The following ADAMTSL1 variants were observed in gnomAD, a reference collection of about 807,000 sequenced individuals.
ADAMTSL1 encodes the protein ADAMTS-like protein 1.
In ADAMTSL1, 126 loss-of-function variants were observed where a neutral mutation model predicts 201.8. The ratio of observed to expected loss-of-function variants is 0.62; its 90% confidence interval spans 0.54 to 0.72. The LOEUF (loss-of-function observed/expected upper bound fraction) is 0.72. ADAMTSL1 is among the 30% of genes least tolerant of loss of function. ADAMTSL1 has a pLI of 0.00. For synonymous variants in ADAMTSL1, 1,121 were observed against 903.4 expected (o/e 1.24, Z -4.32); for missense variants, 2,679 against 2,277.8 (o/e 1.18, Z -3.59).
chr9:18,090,291 T>G (rs977979836), intron 1 of ADAMTSL1, among the ~76,000 whole-genome samples: 3 of 152,108 alleles, frequency 2.0e-5, no homozygotes, highest in Admixed American at 6.5e-5. Flanking sequence ...AAATAGATAT[T>G]TATAAATGAA....
chr9:18,289,129 ATGTC>A (rs1249945166), intron 2 of ADAMTSL1, among the ~76,000 whole-genome samples: 3 of 120,026 alleles, frequency 2.5e-5, no homozygotes, highest in South Asian at 3.3e-4. Context: ...GTGTATATAT[ATGTC>A]TGTCTATCTA....
rs143645747 is a variant in ADAMTSL1, at chr9:18,890,447, C to A, written c.4643+699C>A. ...GATGGGCTTGGAGTTGGCACTGGTG[C>A]AGTGCTGAGAGCCTGGGGGGATGTG... On this transcript the variant is annotated intron_variant, in intron 25 of 28. Transcript: ENST00000380548. 2,384 of 452,692 alleles carry A rather than the reference C, an allele frequency of 5.3e-3. 33 individuals are homozygous for A. The highest frequency in any genetic ancestry group is 0.017 in the South Asian group (1,078 of 63,842). 28.0% of individuals were successfully genotyped at this position (452,692 alleles called of 1,614,324 possible). A position where few individuals can be genotyped will look rare whatever the true frequency, so the allele number is the denominator to read the frequency against.
At chr9:18,497,109 A>G (rs999783156) in intron 1 of ADAMTSL1, among the ~76,000 whole-genome samples, 4 of 152,352 alleles carry the variant, frequency 2.6e-5, no homozygotes, top group African/African-American at 9.6e-5. Flanking sequence ...AGGAAAAAGA[A>G]GAAAACAAAA....
chr9:18,661,964 G>T lies in ADAMTSL1; in HGVS notation c.976G>T (p.Asp326Tyr), dbSNP rs756246381. ...GYQLTSAECY[D>Y]LRSNRVVADQ... ...TCAGCTGACATCGGCTGAGTGCTAC[G>T]ATCTGAGGAGCAACCGTGTGGTTGC... The change falls in exon 9 of 29, where the codon GAT (aspartate) becomes TAT (tyrosine). Residue 326 changes from aspartate (D) to tyrosine (Y), a missense_variant. Coordinates refer to ENST00000380548, the MANE Select transcript of ADAMTSL1 (RefSeq NM_001040272.6). 3.7e-6 allele frequency: 6 copies of T among 1,613,776 alleles called. No homozygotes were observed. Among genetic ancestry groups the T allele is most frequent in the South Asian group, 1.1e-5 (1 of 91,044 alleles).
At chr9:18,004,931 G>A (rs200872631) in intron 1 of ADAMTSL1, among the ~76,000 whole-genome samples, 2 of 152,118 alleles carry the variant, frequency 1.3e-5, no homozygotes, top group South Asian at 2.1e-4. Flanking sequence ...CATTTACTTG[G>A]CAAATATTTT....
chr9:18,598,556 C>A (rs887279538), intron 4 of ADAMTSL1, among the ~76,000 whole-genome samples: 2 of 152,142 alleles, frequency 1.3e-5, no homozygotes, highest in Non-Finnish European at 2.9e-5. Flanking sequence ...AAATTTCCCT[C>A]CCTTGTGGCC....
At chr9:18,849,300 A>G (rs1826333108) in intron 23 of ADAMTSL1, among the ~76,000 whole-genome samples, 1 of 151,600 alleles carries the variant, frequency 6.6e-6, no homozygotes, top group Non-Finnish European at 1.5e-5. Context: ...ACATACCTCC[A>G]CCCTTCACCC....
chr9:18,146,597 G>T (rs1021180818), intron 1 of ADAMTSL1, among the ~76,000 whole-genome samples: 1 of 152,146 alleles, frequency 6.6e-6, no homozygotes, highest in Non-Finnish European at 1.5e-5. Flanking sequence ...GGACTTTTTA[G>T]AGTGGTGAAA....
At chr9:18,620,015 A>ATTATTTTTTT (rs1564094080) in intron 4 of ADAMTSL1, among the ~76,000 whole-genome samples, 1 of 101,254 alleles carries the variant, frequency 9.9e-6, no homozygotes. Context: ...CAGTTTTCTG[A>ATTATTTTTTT]TTTTTTTTTT....
At chr9:18,778,540 A>G (rs1240348504) in intron 19 of ADAMTSL1, among the ~76,000 whole-genome samples, 4 of 152,216 alleles carry the variant, frequency 2.6e-5, no homozygotes, top group African/African-American at 9.6e-5. Context: ...AGCCATTCAT[A>G]ATGTAGAATC....
intron 3 of ADAMTSL1, among the ~76,000 whole-genome samples, chr9:18,545,791 A>G (rs1350435910): frequency 6.6e-6 from 1 of 152,240 alleles, no homozygotes; most frequent in Non-Finnish European, 1.5e-5. Context: ...GAAAGAAATT[A>G]CTACTGCAGT....
rs182410144 is a variant in ADAMTSL1 at position 18,706,603 on chromosome 9, A to G, written c.1575-144A>G. On this transcript the variant is annotated intron_variant, in intron 13 of 28. Transcript: ENST00000380548. ...CGCTTATGAACTAAACTGAAGCGCC[A>G]TCACAGGACAGGGTGGAGGAGCCCT... 3.8e-6 allele frequency: 3 copies of G among 781,788 alleles called. No homozygotes were observed. The African/African-American group carries it at 5.2e-5, about 14-fold the overall frequency. The allele number at this position is 781,788 out of a possible 1,614,324, so 48.4% of individuals were successfully genotyped here.
At chr9:18,174,062 T>G (rs1163491503) in intron 2 of ADAMTSL1, among the ~76,000 whole-genome samples, 2 of 152,200 alleles carry the variant, frequency 1.3e-5, no homozygotes, top group Admixed American at 1.3e-4. Flanking sequence ...ATTTGCTGCT[T>G]AACTTCGGAA....
intron 1 of ADAMTSL1, among the ~76,000 whole-genome samples, chr9:18,158,702 A>G (rs901296830): frequency 2.0e-5 from 3 of 151,966 alleles, no homozygotes; most frequent in Non-Finnish European, 4.4e-5. Context: ...TTTAGGTACA[A>G]TTTCATTTGG....
At chr9:18,894,593 GA>G (rs1369463890) in intron 26 of ADAMTSL1, among the ~76,000 whole-genome samples, 1 of 151,878 alleles carries the variant, frequency 6.6e-6, no homozygotes, top group Admixed American at 6.6e-5. Flanking sequence ...TGGAGGTTCT[GA>G]ATTGAACAAC....
chr9:18,661,135 A>G (rs961567285), intron 8 of ADAMTSL1, among the ~76,000 whole-genome samples: 3 of 152,170 alleles, frequency 2.0e-5, no homozygotes, highest in Non-Finnish European at 4.4e-5. Context: ...CAGGACAATA[A>G]AAAGGCAGGT....
intron 20 of ADAMTSL1, among the ~76,000 whole-genome samples, chr9:18,811,974 T>A (rs987793155): frequency 6.6e-6 from 1 of 152,120 alleles, no homozygotes; most frequent in South Asian, 2.1e-4. Flanking sequence ...AGAAGATAAA[T>A]AGACATATTT....
At chr9:18,886,263 C>G (rs921220890) in intron 23 of ADAMTSL1, among the ~76,000 whole-genome samples, 32 of 146,862 alleles carry the variant, frequency 2.2e-4, no homozygotes, top group African/African-American at 7.8e-4. Context: ...TACACACACA[C>G]AGAAATTATC....
intron 1 of ADAMTSL1, among the ~76,000 whole-genome samples, chr9:17,946,612 G>T (rs570093142): frequency 1.9e-4 from 29 of 152,022 alleles, no homozygotes; most frequent in African/African-American, 6.5e-4. Flanking sequence ...TTAAAAATAG[G>T]AATTCTTTAG....
Sources: allele counts gnomAD v4.1 joint callset (sites outside exome capture counted in the v4.1 genomes callset), GRCh38; gene constraint gnomAD v4.1.1; transcripts MANE v1.5; gene names NCBI Gene and HGNC (gene_info 2026-07-23, HGNC 2026-07-21).